Variants in PIGU observed in about 807,000 individuals in gnomAD.
The protein encoded by PIGU is GPI-anchor transamidase component PIGU.
A neutral mutation model predicts 49.9 loss-of-function variants in PIGU; 24 were observed. That is an observed-to-expected ratio of 0.48 (90% CI 0.35 to 0.68). The LOEUF (loss-of-function observed/expected upper bound fraction) is 0.68. Among genes scored for constraint, PIGU ranks in the 30% least tolerant of loss-of-function variants. PIGU has a pLI of 0.01. For missense variants in PIGU, 490 were observed against 532.6 expected (o/e 0.92, Z 0.79); for synonymous variants, 220 against 205.7 (o/e 1.07, Z -0.59).
intron 2 of PIGU, among the ~76,000 whole-genome samples, chr20:34,646,532 C>G (rs1210928414): frequency 2.0e-5 from 3 of 152,026 alleles, no homozygotes; most frequent in African/African-American, 7.2e-5. Context: ...CCTCAGCCTC[C>G]CAAGTAGCTG....
intron 7 of PIGU, among the ~76,000 whole-genome samples, chr20:34,606,350 G>GT (rs1423795602): frequency 1.3e-5 from 2 of 150,446 alleles, no homozygotes; most frequent in Admixed American, 6.6e-5. Flanking sequence ...CTTTATAGCT[G>GT]TTTTTTTCAA....
Position 34,581,687 on chromosome 20 carries a change from G to T in PIGU, c.927-15C>A. 6.3e-7 allele frequency: 1 copy of T among 1,590,224 alleles called. No individual in the cohort carries two copies. The stretch of plus-strand genomic sequence containing the variant: ...TGGGGTGCTCCCTGGGGCAGGGCAG[G>T]GGAAAGAGAGAGAGAGATGAGTCAG... On this transcript the variant is annotated splice_polypyrimidine_tract_variant and intron_variant, in intron 9 of 11. Coordinates refer to ENST00000217446, the MANE Select transcript of PIGU (RefSeq NM_080476.5).
chr20:34,663,459 A>G (rs1986989381), intron 1 of PIGU, among the ~76,000 whole-genome samples: 3 of 152,234 alleles, frequency 2.0e-5, no homozygotes, highest in Middle Eastern at 6.8e-3. Context: ...CCTGGGTGAC[A>G]GAGGGAAACC....
chr20:34,640,497 GCGCACACA>G (rs1411691587), intron 4 of PIGU, among the ~76,000 whole-genome samples: 2 of 50,728 alleles, frequency 3.9e-5, no homozygotes, highest in African/African-American at 2.1e-4. Flanking sequence ...ATGTGCGCAC[GCGCACACA>G]CACACACACA....
At chr20:34,640,015 G>A (rs1986098122) in intron 4 of PIGU, among the ~76,000 whole-genome samples, 1 of 152,184 alleles carries the variant, frequency 6.6e-6, no homozygotes, top group Admixed American at 6.5e-5. Context: ...AGGCCACCTG[G>A]AGTGGGTGAG....
chr20:34,649,934 C>T (rs1398607941), intron 2 of PIGU, among the ~76,000 whole-genome samples: 2 of 150,568 alleles, frequency 1.3e-5, no homozygotes, highest in African/African-American at 2.4e-5. Flanking sequence ...CTGCAAGCTC[C>T]GCCTCCCAGG....
intron 5 of PIGU, among the ~76,000 whole-genome samples, chr20:34,636,956 A>G (rs1985988584): frequency 1.3e-5 from 2 of 152,188 alleles, no homozygotes; most frequent in Non-Finnish European, 1.5e-5. Context: ...TCCATAAGAG[A>G]TTCATAAAGT....
chr20:34,607,957 C>G (rs1245498290), intron 7 of PIGU, among the ~76,000 whole-genome samples: 2 of 151,880 alleles, frequency 1.3e-5, no homozygotes, highest in Non-Finnish European at 2.9e-5. Flanking sequence ...TTAGTTCTTT[C>G]CTTTTAATTA....
intron 2 of PIGU, among the ~76,000 whole-genome samples, chr20:34,650,700 C>CTCTTTTTTTTTTTTTTTTTTTT (rs1986509194): frequency 2.6e-5 from 1 of 38,778 alleles, no homozygotes; most frequent in African/African-American, 1.2e-4. Flanking sequence ...CTTTTTTTCT[C>CTCTTTTTTTTTTTTTTTTTTTT]TTTTTTTTTT....
intron 1 of PIGU, among the ~76,000 whole-genome samples, chr20:34,663,239 T>G (rs1482864545): frequency 1.3e-5 from 2 of 152,140 alleles, no homozygotes; most frequent in Non-Finnish European, 2.9e-5. Context: ...CTGAGTTACC[T>G]ATTAAAAAAT....
intron 7 of PIGU, among the ~76,000 whole-genome samples, chr20:34,597,537 C>T (rs894366170): frequency 2.0e-5 from 3 of 152,160 alleles, no homozygotes; most frequent in African/African-American, 7.2e-5. Context: ...TTGGGTTACA[C>T]AGGTATTTGT....
At chr20:34,615,009 C>A (rs1984953817) in intron 7 of PIGU, among the ~76,000 whole-genome samples, 2 of 152,186 alleles carry the variant, frequency 1.3e-5, no homozygotes, top group South Asian at 4.1e-4. Context: ...TTGAGTAGAA[C>A]AAGATGATTA....
intron 1 of PIGU, among the ~76,000 whole-genome samples, chr20:34,666,217 A>C (rs1987087624): frequency 6.6e-6 from 1 of 152,144 alleles, no homozygotes; most frequent in East Asian, 1.9e-4. Flanking sequence ...ATCATGCTGA[A>C]AACACTTTAA....
At chr20:34,563,268 T>C (rs117057130) in intron 11 of PIGU, among the ~76,000 whole-genome samples, 3,032 of 152,248 alleles carry the variant, frequency 0.02, 52 homozygotes, top group South Asian at 0.029. Context: ...TGTATTCCAT[T>C]GATAAAAATA....
At chr20:34,658,208 C>G (rs966588179) in intron 1 of PIGU, among the ~76,000 whole-genome samples, 3 of 152,194 alleles carry the variant, frequency 2.0e-5, no homozygotes, top group South Asian at 4.1e-4. Context: ...TTGGCCGGGC[C>G]GGTCTCCAGC....
rs149733153 is a variant in PIGU at position 34,575,182 on chromosome 20, C to T, written c.1116G>A (p.Leu372=). Residue 372 remains leucine (L), a synonymous_variant, in exon 11 of 12, where the codon CTG becomes CTA. Coordinates refer to ENST00000217446, the MANE Select transcript of PIGU (RefSeq NM_080476.5). The stretch of plus-strand genomic sequence containing the variant: ...TTCCTGCATAAATCCAGAGGTGCCA[C>T]AGGACAGGGAAGAGCAGGGAACAGA... ...IIVCSLLFPV[L]WHLWIYAGSA... The T allele has an allele frequency of 1.6e-5, 26 of 1,614,126 alleles. No individual in the cohort carries two copies. In the African/African-American group the frequency reaches 2.1e-4, roughly 13 times the overall value.
intron 1 of PIGU, among the ~76,000 whole-genome samples, chr20:34,675,328 T>C (rs1012882485): frequency 1.3e-5 from 2 of 148,244 alleles, no homozygotes; most frequent in Non-Finnish European, 3.0e-5. Context: ...AGATAAGAAA[T>C]GCTCTTAGTA....
intron 1 of PIGU, among the ~76,000 whole-genome samples, chr20:34,673,257 A>C (rs1987372015): frequency 6.6e-6 from 1 of 151,638 alleles, no homozygotes; most frequent in South Asian, 2.1e-4. Flanking sequence ...CCGTCTCAAA[A>C]AAAAAAAAAA....
chr20:34,605,640 A>G (rs1181983368), intron 7 of PIGU, among the ~76,000 whole-genome samples: 1 of 152,234 alleles, frequency 6.6e-6, no homozygotes, highest in African/African-American at 2.4e-5. Context: ...GAAGTTAAAT[A>G]GTCACTTGCT....
Sources: gnomAD v4.1 joint callset for allele counts (sites outside exome capture counted in the v4.1 genomes callset) on GRCh38, gnomAD v4.1.1 for gene constraint, MANE v1.5 for transcripts, NCBI Gene and HGNC (gene_info 2026-07-23, HGNC 2026-07-21) for gene names.